IPO11: variants seen among roughly 807,000 people sequenced by gnomAD.
IPO11 encodes the protein importin-11.
Under a neutral mutation model 143.2 loss-of-function variants are expected in IPO11, and 66 were observed. The ratio of observed to expected loss-of-function variants is 0.46; its 90% CI spans 0.38 to 0.57. IPO11 has a LOEUF of 0.57. Among genes scored for constraint, IPO11 ranks in the 20% least tolerant of loss-of-function variants. The pLI, the probability that IPO11 is intolerant of heterozygous loss-of-function variation, is 0.00. For missense variants in IPO11, 1,026 were observed against 1,141.0 expected (o/e 0.90, Z 1.45); for synonymous variants, 385 against 377.8 (o/e 1.02, Z -0.22).
At chr5:62,561,044 C>A in intron 26 of IPO11, 92 bp from the exon 27 acceptor site, 5 of 1,140,864 alleles carry the variant, frequency 4.4e-6, no homozygotes, top group Non-Finnish European at 6.1e-6. Flanking sequence ...TGAATTTTAA[C>A]CATGACTTAT....
Position 62,522,288 on chromosome 5 carries a change from G to GTT in IPO11, c.1897-3841_1897-3840dup, listed in dbSNP as rs111301961. Among the ~76,000 whole-genome samples the GTT allele has an allele frequency of 5.3e-4, 75 of 140,198 alleles. 1 individual carries two copies. The South Asian group carries it at 0.012, about 23-fold the overall frequency. The allele number at this position is 140,198 out of a possible 152,430, so 92.0% of individuals were successfully genotyped here. ...TGGGGAGGCTTGCTGATTGTGGTGGGTTTTTTTTTTTTTTGAGACAGGATC... is the reference window on the plus strand; with the variant it reads ...TGGGGAGGCTTGCTGATTGTGGTGGGTTTTTTTTTTTTTTTTGAGACAGGATC... On this transcript the variant is annotated intron_variant, in intron 20 of 29. Coordinates refer to ENST00000325324, the MANE Select transcript of IPO11 (RefSeq NM_016338.5).
Position 62,473,885 on chromosome 5 carries a change from C to T in IPO11, c.709-531C>T, listed in dbSNP as rs532649692. Among the ~76,000 whole-genome samples, 15 of 152,160 alleles carry T rather than the reference C, an allele frequency of 9.9e-5. No homozygotes were observed. The East Asian group carries it at 2.7e-3, about 27-fold the overall frequency. On this transcript the variant is annotated intron_variant, in intron 7 of 29. Coordinates refer to ENST00000325324, the MANE Select transcript of IPO11 (RefSeq NM_016338.5). ...CCTATCTAATACTAGTATCTGAGGACCAATGTGTCATATACTTGAAGTTAA... is the reference window on the plus strand; with the variant it reads ...CCTATCTAATACTAGTATCTGAGGATCAATGTGTCATATACTTGAAGTTAA...
At chr5:62,497,431 T>A (rs897925610) in intron 16 of IPO11, among the ~76,000 whole-genome samples, 1 of 152,220 alleles carries the variant, frequency 6.6e-6, no homozygotes, top group Non-Finnish European at 1.5e-5. Context: ...CATTCTATTG[T>A]CTTTGTTAAG....
intron 26 of IPO11, among the ~76,000 whole-genome samples, chr5:62,559,056 A>G (rs908295716): frequency 5.9e-5 from 9 of 152,240 alleles, no homozygotes; most frequent in African/African-American, 1.7e-4. Flanking sequence ...AGAAAATTCT[A>G]GCGATCTCAG....
chr5:62,571,007 A>G (rs745752969), intron 27 of IPO11, among the ~76,000 whole-genome samples: 8 of 152,256 alleles, frequency 5.3e-5, no homozygotes, highest in Non-Finnish European at 8.8e-5. Context: ...AATTATACAC[A>G]GAATAACTAG....
rs200568742 is a variant in IPO11, at chr5:62,451,977, G to A, written c.516+44G>A. On this transcript the variant is annotated intron_variant, in intron 5 of 29. Coordinates refer to ENST00000325324, the MANE Select transcript of IPO11 (RefSeq NM_016338.5). ...TTAAATTTGATTATGAAAATTGTGC[G>A]GCCGGGCGTGGTGGCTTATGCCTGT... 3.9e-4 allele frequency: 590 copies of A among 1,511,096 alleles called. 4 individuals are homozygous for A. The African/African-American group carries it at 7.0e-3, about 18-fold the overall frequency. 93.6% of individuals were successfully genotyped at this position (1,511,096 alleles called of 1,614,324 possible).
At chr5:62,438,807 C>G (rs147089691) in intron 2 of IPO11, among the ~76,000 whole-genome samples, 1 of 151,962 alleles carries the variant, frequency 6.6e-6, no homozygotes, top group African/African-American at 2.4e-5. Flanking sequence ...TGCCTGTCAT[C>G]CCAGCACTTT....
At chr5:62,581,150 G>T in intron 27 of IPO11, 2 of 1,550,940 alleles carry the variant, frequency 1.3e-6, no homozygotes, top group Non-Finnish European at 1.7e-6. Flanking sequence ...GAATACTACA[G>T]CTTTTATCAG....
At chr5:62,544,595 G>A (rs1743086901) in intron 24 of IPO11, among the ~76,000 whole-genome samples, 1 of 152,140 alleles carries the variant, frequency 6.6e-6, no homozygotes, top group African/African-American at 2.4e-5. Flanking sequence ...TGGAAGTTCT[G>A]GCCAGGGCAA....
chr5:62,479,595 A>G (rs1441041749), intron 9 of IPO11, among the ~76,000 whole-genome samples: 2 of 152,116 alleles, frequency 1.3e-5, no homozygotes, highest in Non-Finnish European at 2.9e-5. Flanking sequence ...CCTCTCCAGC[A>G]CCTGTTGTTT....
At chr5:62,468,805 C>G (rs568061213) in intron 6 of IPO11, among the ~76,000 whole-genome samples, 24 of 152,272 alleles carry the variant, frequency 1.6e-4, no homozygotes, top group South Asian at 2.1e-4. Context: ...TTAGAGATAT[C>G]CTGCCCTGGA....
chr5:62,551,921 C>G (rs1263185937), intron 26 of IPO11, among the ~76,000 whole-genome samples: 1 of 151,916 alleles, frequency 6.6e-6, no homozygotes, highest in Admixed American at 6.6e-5. Flanking sequence ...GTCAGGAGAT[C>G]GAGACATCCT....
intron 1 of IPO11, chr5:62,419,214 A>G: frequency 1.5e-6 from 2 of 1,372,798 alleles, no homozygotes; most frequent in South Asian, 1.6e-5. Flanking sequence ...ACATCTGTAC[A>G]GGGCACTTAC....
intron 27 of IPO11, among the ~76,000 whole-genome samples, chr5:62,567,762 A>G (rs912986511): frequency 3.3e-5 from 5 of 151,550 alleles, no homozygotes; most frequent in African/African-American, 1.2e-4. Context: ...CGGTTTAGCC[A>G]TGTTGGTCAG....
intron 28 of IPO11, among the ~76,000 whole-genome samples, chr5:62,598,362 C>G: frequency 6.7e-6 from 1 of 150,248 alleles, no homozygotes; most frequent in Non-Finnish European, 1.5e-5. Flanking sequence ...TTATGTGAAA[C>G]GACCCATAAA....
intron 29 of IPO11, among the ~76,000 whole-genome samples, chr5:62,625,319 T>TA (rs1197911836): frequency 6.6e-6 from 1 of 152,238 alleles, no homozygotes; most frequent in East Asian, 1.9e-4. Flanking sequence ...AGGCTGTCAT[T>TA]ACCAACAGAG....
At chr5:62,503,447 A>G (rs1741429679) in intron 16 of IPO11, among the ~76,000 whole-genome samples, 1 of 143,312 alleles carries the variant, frequency 7.0e-6, no homozygotes, top group Non-Finnish European at 1.5e-5. Flanking sequence ...AATAGATTCT[A>G]TTAATAGTTT....
chr5:62,561,088 G>A (rs1288815139), intron 26 of IPO11, 48 bp from the exon 27 acceptor site: 2 of 1,524,272 alleles, frequency 1.3e-6, no homozygotes, highest in Non-Finnish European at 1.8e-6. Context: ...TTACCCACAA[G>A]TAAAACATAT....
At chr5:62,610,525 C>T (rs1745889809) in intron 29 of IPO11, among the ~76,000 whole-genome samples, 1 of 152,108 alleles carries the variant, frequency 6.6e-6, no homozygotes, top group Non-Finnish European at 1.5e-5. Context: ...TATATTTGCA[C>T]CAAATTTGGT....
Sources: allele counts gnomAD v4.1 joint callset (sites outside exome capture counted in the v4.1 genomes callset), GRCh38; gene constraint gnomAD v4.1.1; transcripts MANE v1.5; gene names NCBI Gene and HGNC (gene_info 2026-07-23, HGNC 2026-07-21).